The following STAMBP variants were observed in gnomAD, a reference collection of about 807,000 sequenced individuals.
The protein encoded by STAMBP is STAM binding protein.
STAMBP carries 31 observed loss-of-function variants against 50.7 expected under a neutral mutation model. The observed-to-expected ratio is 0.61, with a 90% CI of 0.46 to 0.83. The LOEUF is 0.83. Ranked by LOEUF, STAMBP falls within the 40% of genes least tolerant of loss-of-function variation. STAMBP has a pLI of 0.00. For synonymous variants in STAMBP, 211 were observed against 192.4 expected, an observed-to-expected ratio of 1.10 and a Z score of -0.80; for missense variants, 472 against 518.9, an observed-to-expected ratio of 0.91 and a Z score of 0.88.
At chr2:73,832,103 A>ATG (rs1674011554) in intron 2 of STAMBP, among the ~76,000 whole-genome samples, 1 of 135,516 alleles carries the variant, frequency 7.4e-6, no homozygotes. Context: ...ATATATATAT[A>ATG]TATATACACA....
intron 2 of STAMBP, among the ~76,000 whole-genome samples, chr2:73,834,906 G>A (rs1674533102): frequency 6.6e-6 from 1 of 152,190 alleles, no homozygotes; most frequent in African/African-American, 2.4e-5. Context: ...TTGGAGTATA[G>A]CCAGAGAAAA....
rs1678797423 is a variant in STAMBP at position 73,865,578 on chromosome 2, G to A, written c.*3319G>A. ...ATTTAAGGCTTTGCTTCTAGGCCCA[G>A]CTATACATTCACCAGCAAATCACTT... is the stretch of plus-strand genomic sequence containing the variant. On this transcript the variant is annotated 3_prime_UTR_variant, in exon 10 of 10. Transcript: ENST00000394070. 1 of 152,188 alleles carries A rather than the reference G, an allele frequency of 6.6e-6. No homozygotes were observed. Among genetic ancestry groups the A allele is most frequent in the African/African-American group, 2.4e-5 (1 of 41,454 alleles). 9.4% of individuals were successfully genotyped at this position (152,188 alleles called of 1,614,324 possible). A position where few individuals can be genotyped will look rare whatever the true frequency, so the allele number is the denominator to read the frequency against.
chr2:73,868,014 C>T (rs750415488), downstream of STAMBP, among the ~76,000 whole-genome samples: 2 of 151,686 alleles, frequency 1.3e-5, no homozygotes, highest in Non-Finnish European at 2.9e-5. Context: ...ATCCCAGCTA[C>T]TTGGGAGGCT....
At chr2:73,841,376 TA>T (rs895142689) in intron 2 of STAMBP, among the ~76,000 whole-genome samples, 5 of 152,000 alleles carry the variant, frequency 3.3e-5, no homozygotes, top group African/African-American at 1.2e-4. Flanking sequence ...GTTTATTAGT[TA>T]AAAAAAATCA....
chr2:73,835,098 G>T (rs1194289158), intron 2 of STAMBP, among the ~76,000 whole-genome samples: 1 of 152,184 alleles, frequency 6.6e-6, no homozygotes, highest in Non-Finnish European at 1.5e-5. Context: ...TCTCGGCCGG[G>T]CACAGTGGCT....
chr2:73,832,124 G>T (rs535646139), intron 2 of STAMBP, among the ~76,000 whole-genome samples: 21 of 89,936 alleles, frequency 2.3e-4, no homozygotes, highest in Non-Finnish European at 4.1e-4. Context: ...TATATATGGT[G>T]CACAATTCAG....
rs918029342 is a variant in STAMBP, at chr2:73,863,295, A to T, written c.*1036A>T. On this transcript the variant is annotated 3_prime_UTR_variant, in exon 10 of 10. Transcript: ENST00000394070. ...CAATACCTAGGAAAACGCTTGAAGCAGCAATTGTTACTGCAATTTTCTGTG... is the reference window on the plus strand; with the variant it reads ...CAATACCTAGGAAAACGCTTGAAGCTGCAATTGTTACTGCAATTTTCTGTG... The T allele has an allele frequency of 5.3e-5, 8 of 152,210 alleles. No individual in the cohort carries two copies. Among genetic ancestry groups the T allele is most frequent in the Non-Finnish European group, 8.8e-5 (6 of 68,036 alleles). The allele number at this position is 152,210 out of a possible 1,614,324, so 9.4% of individuals were successfully genotyped here.
Position 73,829,336 on chromosome 2 carries a change from T to G in STAMBP, c.-187T>G, listed in dbSNP as rs916174862. On this transcript the variant is annotated 5_prime_UTR_variant, in exon 1 of 10. Coordinates refer to ENST00000394070, the MANE Select transcript of STAMBP (RefSeq NM_213622.4). ...TGTATACGCCCCCTCCGCTCATTCC[T>G]GCTACTTCCTTTCTCCTCCTCGTAT... is the stretch of plus-strand genomic sequence containing the variant. 1.3e-5 allele frequency: 2 copies of G among 152,518 alleles called. No individual in the cohort carries two copies. Among genetic ancestry groups the G allele is most frequent in the African/African-American group, 2.4e-5 (1 of 41,480 alleles). The allele number at this position is 152,518 out of a possible 1,614,324, so 9.4% of individuals were successfully genotyped here. A position where few individuals can be genotyped will look rare whatever the true frequency, so the allele number is the denominator to read the frequency against.
chr2:73,834,899 G>C (rs1674532552), intron 2 of STAMBP, among the ~76,000 whole-genome samples: 1 of 152,188 alleles, frequency 6.6e-6, no homozygotes, highest in South Asian at 2.1e-4. Context: ...ATTGTGTTTG[G>C]AGTATAGCCA....
chr2:73,847,822 A>C (rs1676323214), intron 5 of STAMBP, 69 bp downstream of exon 5: 1 of 1,526,862 alleles, frequency 6.5e-7, no homozygotes, highest in Admixed American at 1.9e-5. Context: ...GACGGGGTCA[A>C]CCTAAGATTA....
chr2:73,837,891 T>C (rs999386551), intron 2 of STAMBP, among the ~76,000 whole-genome samples: 2 of 152,120 alleles, frequency 1.3e-5, no homozygotes, highest in South Asian at 4.2e-4. Flanking sequence ...GGGGAGACTT[T>C]CTTTGAAGGG....
intron 2 of STAMBP, among the ~76,000 whole-genome samples, chr2:73,839,731 C>T (rs975414672): frequency 1.3e-5 from 2 of 152,224 alleles, no homozygotes; most frequent in Admixed American, 6.5e-5. Context: ...GAGGTGGCCA[C>T]TATTGTATTT....
intron 2 of STAMBP, among the ~76,000 whole-genome samples, chr2:73,842,536 T>G (rs1333830181): frequency 1.3e-5 from 2 of 152,246 alleles, no homozygotes; most frequent in East Asian, 3.9e-4. Context: ...CTTTCTTAAA[T>G]GTATGTATAG....
At chr2:73,859,738 TAAG>T (rs913712437) in intron 8 of STAMBP, among the ~76,000 whole-genome samples, 9 of 141,938 alleles carry the variant, frequency 6.3e-5, no homozygotes, top group African/African-American at 1.1e-4. Flanking sequence ...AAATAAAAAA[TAAG>T]AAAGTTTCAA....
chr2:73,852,801 C>G lies in STAMBP; in HGVS notation c.1005+2288C>G, dbSNP rs1346387004. Among the ~76,000 whole-genome samples the G allele has an allele frequency of 2.0e-5, 3 of 149,642 alleles. No homozygotes were observed. The East Asian group carries it at 5.9e-4, about 29-fold the overall frequency. On this transcript the variant is annotated intron_variant, in intron 7 of 9. Coordinates refer to ENST00000394070, the MANE Select transcript of STAMBP (RefSeq NM_213622.4). ...CAAGTGATTCTCCTGCCTCAGTGTCCTGAGTAGCTGTGATTACAGGTACCC... is the reference window on the plus strand; with the variant it reads ...CAAGTGATTCTCCTGCCTCAGTGTCGTGAGTAGCTGTGATTACAGGTACCC...
At chr2:73,872,620 A>T (rs1425564878) in intron 10 of STAMBP, among the ~76,000 whole-genome samples, 2 of 152,252 alleles carry the variant, frequency 1.3e-5, no homozygotes, top group Non-Finnish European at 2.9e-5. Context: ...AATCATGAGC[A>T]CCAACTTTAT....
At chr2:73,844,439 G>A (rs1434590781) in intron 2 of STAMBP, among the ~76,000 whole-genome samples, 2 of 152,210 alleles carry the variant, frequency 1.3e-5, no homozygotes, top group African/African-American at 4.8e-5. Flanking sequence ...CTGCCAAACG[G>A]TTCTCTGAAG....
intron 5 of STAMBP, 22 bp from the exon 6 acceptor site, chr2:73,849,341 T>G: frequency 6.2e-7 from 1 of 1,613,238 alleles, no homozygotes; most frequent in Admixed American, 1.7e-5. Context: ...GGTCGCAGAC[T>G]ATTCTCCTTT....
At chr2:73,855,626 A>G (rs189872862) in intron 7 of STAMBP, 151 of 456,116 alleles carry the variant, frequency 3.3e-4, no homozygotes, top group South Asian at 6.8e-4. Context: ...CATCAGGTAG[A>G]AACTTTGTGG....
Sources: gnomAD v4.1 joint callset for allele counts (sites outside exome capture counted in the v4.1 genomes callset) on GRCh38, gnomAD v4.1.1 for gene constraint, MANE v1.5 for transcripts, NCBI Gene and HGNC (gene_info 2026-07-23, HGNC 2026-07-21) for gene names.